The following METTL2A variants were observed in gnomAD, a reference collection of about 807,000 sequenced individuals.
METTL2A encodes tRNA N(3)-cytidine methyltransferase METTL2A.
In METTL2A, 45 loss-of-function variants were observed where a neutral mutation model predicts 49.4. That is an observed-to-expected ratio of 0.91 (90% confidence interval 0.72 to 1.17). The LOEUF (loss-of-function observed/expected upper bound fraction) is 1.17, where lower values mean the gene tolerates loss of function less well. Ranked by LOEUF, METTL2A falls within the 50% of genes most tolerant of loss-of-function variation. The pLI is 0.00. For missense variants in METTL2A, 361 were observed against 462.2 expected (o/e 0.78, Z 2.01); for synonymous variants, 118 against 167.5 (o/e 0.70, Z 2.28).
At chr17:62,443,969 A>G (rs569949745) in intron 6 of METTL2A, among the ~76,000 whole-genome samples, 7 of 152,316 alleles carry the variant, frequency 4.6e-5, no homozygotes, top group African/African-American at 1.2e-4. Context: ...GAAAGCTTCA[A>G]CCTGCACCAA....
chr17:62,448,938 A>C lies in METTL2A; in HGVS notation c.*209A>C. The C allele has an allele frequency of 8.3e-6, 5 of 599,668 alleles. No individual in the cohort carries two copies. Among genetic ancestry groups the C allele is most frequent in the East Asian group, 3.4e-5 (1 of 29,502 alleles). 37.1% of individuals were successfully genotyped at this position (599,668 alleles called of 1,614,324 possible). ...GTAATAATAAAAATAAAAAATATAA[A>C]TGAGGTCTCGTTGATGTTGGACAAT... On this transcript the variant is annotated 3_prime_UTR_variant, in exon 9 of 9. Transcript: ENST00000311506.
At chr17:62,433,433 C>T (rs1458604047) in intron 4 of METTL2A, among the ~76,000 whole-genome samples, 1 of 143,032 alleles carries the variant, frequency 7.0e-6, no homozygotes, top group Non-Finnish European at 1.5e-5. Context: ...AACTCCATCT[C>T]AAAAAAAAAA....
chr17:62,435,020 A>C (rs1243555292), intron 4 of METTL2A: 2 of 580,600 alleles, frequency 3.4e-6, no homozygotes, highest in African/African-American at 3.7e-5. Context: ...TTGTTTTATA[A>C]ACTTCATATT....
At chr17:62,442,800 G>A (rs1284945608) in intron 6 of METTL2A, among the ~76,000 whole-genome samples, 2 of 152,186 alleles carry the variant, frequency 1.3e-5, no homozygotes, top group Non-Finnish European at 2.9e-5. Context: ...GGATGATTAA[G>A]TAAGTTAGTG....
In METTL2A at chr17:62,450,245, G is replaced by T. The variant is rs1567738968; in HGVS notation, c.*1516G>T. On this transcript the variant is annotated 3_prime_UTR_variant, in exon 9 of 9. Coordinates refer to ENST00000311506, the MANE Select transcript of METTL2A (RefSeq NM_181725.4). ...AATGTGATCATTATCAGTGTTAGAT[G>T]CCTTTTTTTTTTTTTTTTTTTTTTT... 1 of 104,676 alleles carries T rather than the reference G, an allele frequency of 9.6e-6. No homozygotes were observed. 6.5% of individuals were successfully genotyped at this position (104,676 alleles called of 1,614,324 possible). A position where few individuals can be genotyped will look rare whatever the true frequency, so the allele number is the denominator to read the frequency against.
At chr17:62,429,312 A>T (rs1369748014) in intron 4 of METTL2A, among the ~76,000 whole-genome samples, 1 of 151,852 alleles carries the variant, frequency 6.6e-6, no homozygotes, top group Non-Finnish European at 1.5e-5. Context: ...AACAAAAGAT[A>T]CAGAGTCTTG....
chr17:62,431,511 C>T (rs2070665206), intron 4 of METTL2A, among the ~76,000 whole-genome samples: 2 of 151,742 alleles, frequency 1.3e-5, no homozygotes, highest in African/African-American at 4.8e-5. Flanking sequence ...GTGCCACCAC[C>T]CCTGCTAATT....
chr17:62,435,862 G>A (rs2144144839), intron 5 of METTL2A, among the ~76,000 whole-genome samples: 1 of 152,202 alleles, frequency 6.6e-6, no homozygotes, highest in African/African-American at 2.4e-5. Context: ...GTTTCACCAC[G>A]TTGCCCAGGC....
intron 5 of METTL2A, among the ~76,000 whole-genome samples, chr17:62,436,502 A>G (rs139444022): frequency 0.02 from 2,997 of 152,272 alleles, 120 homozygotes; most frequent in African/African-American, 0.068. Context: ...CAGTCAGCCA[A>G]GATTGTGCCA....
At chr17:62,446,061 C>A (rs1192835988) in intron 7 of METTL2A, among the ~76,000 whole-genome samples, 3 of 152,152 alleles carry the variant, frequency 2.0e-5, no homozygotes, top group Non-Finnish European at 2.9e-5. Context: ...AACAACACTT[C>A]AAGGAAATAA....
rs554274790 is a variant in METTL2A at position 62,451,876 on chromosome 17, G to A, written c.*3147G>A. ...TTGCACTCCAGCCTGGGCAACAAGA[G>A]TGAAACTCCGTCTCAAAAAAAAAAA... On this transcript the variant is annotated 3_prime_UTR_variant, in exon 9 of 9. Coordinates refer to ENST00000311506, the MANE Select transcript of METTL2A (RefSeq NM_181725.4). 7.1e-6 allele frequency among the ~76,000 whole-genome samples: 1 copy of A among 141,822 alleles called. No homozygotes were observed. The highest frequency in any genetic ancestry group is 2.6e-5 in the African/African-American group (1 of 37,828). 93.0% of individuals were successfully genotyped at this position (141,822 alleles called of 152,430 possible). A position where few individuals can be genotyped will look rare whatever the true frequency, so the allele number is the denominator to read the frequency against.
At chr17:62,440,294 G>A (rs953288320) in intron 5 of METTL2A, among the ~76,000 whole-genome samples, 1 of 151,998 alleles carries the variant, frequency 6.6e-6, no homozygotes, top group Non-Finnish European at 1.5e-5. Flanking sequence ...CAAAGTGCTG[G>A]GATTACAGGC....
intron 4 of METTL2A, among the ~76,000 whole-genome samples, chr17:62,428,520 C>G (rs2070643326): frequency 6.6e-6 from 1 of 152,182 alleles, no homozygotes; most frequent in African/African-American, 2.4e-5. Context: ...GTGAATCTGG[C>G]CCTCCGTGTT....
chr17:62,451,183 G>A lies in METTL2A; in HGVS notation c.*2454G>A, dbSNP rs1165748602. 2.5e-5 allele frequency among the ~76,000 whole-genome samples: 3 copies of A among 122,046 alleles called. No homozygotes were observed. Among genetic ancestry groups the A allele is most frequent in the East Asian group, 5.1e-4 (2 of 3,936 alleles). 80.1% of individuals were successfully genotyped at this position (122,046 alleles called of 152,430 possible). ...TTTTTTGAGACAGAGCTTCGCTCTT[G>A]TTGCCCAGGCTGGAGTACAATGGCA... On this transcript the variant is annotated 3_prime_UTR_variant, in exon 9 of 9. Transcript: ENST00000311506.
At position 62,433,011 on chromosome 17, in the gene METTL2A, G is replaced by T. The variant is rs570960185; in HGVS notation, c.609-2221G>T. Among the ~76,000 whole-genome samples, 6 of 152,272 alleles carry T rather than the reference G, an allele frequency of 3.9e-5. No homozygotes were observed. In the South Asian group the frequency reaches 1.0e-3, roughly 26 times the overall value. ...ACTGTTTACATAGCATTTATATTAG[G>T]CATTATAGATGATTTAATGTATGCA... On this transcript the variant is annotated intron_variant, in intron 4 of 8. Coordinates refer to ENST00000311506, the MANE Select transcript of METTL2A (RefSeq NM_181725.4).
At chr17:62,438,714 T>G (rs936613720) in intron 5 of METTL2A, among the ~76,000 whole-genome samples, 2 of 152,156 alleles carry the variant, frequency 1.3e-5, no homozygotes, top group African/African-American at 4.8e-5. Flanking sequence ...TTTACTTCAG[T>G]TTTTGATAAC....
chr17:62,441,417 G>C (rs1212297125), intron 6 of METTL2A, among the ~76,000 whole-genome samples: 1 of 152,016 alleles, frequency 6.6e-6, no homozygotes, highest in Non-Finnish European at 1.5e-5. Flanking sequence ...ACAGCTCTTA[G>C]GTAATGTCTC....
At chr17:62,442,378 C>T (rs1263101934) in intron 6 of METTL2A, among the ~76,000 whole-genome samples, 1 of 151,888 alleles carries the variant, frequency 6.6e-6, no homozygotes, top group African/African-American at 2.4e-5. Flanking sequence ...AAGGTTAAAG[C>T]GATTCTCCTG....
intron 6 of METTL2A, among the ~76,000 whole-genome samples, chr17:62,443,712 C>G (rs1180654560): frequency 6.6e-6 from 1 of 152,122 alleles, no homozygotes; most frequent in Non-Finnish European, 1.5e-5. Flanking sequence ...GCCTCAGCCT[C>G]CCAAGTAGCT....
Sources: gnomAD v4.1 joint callset for allele counts (sites outside exome capture counted in the v4.1 genomes callset) on GRCh38, gnomAD v4.1.1 for gene constraint, MANE v1.5 for transcripts, NCBI Gene and HGNC (gene_info 2026-07-23, HGNC 2026-07-21) for gene names.